Variants in CFH observed in about 807,000 individuals in gnomAD.
CFH encodes H factor 1 (complement).
A neutral mutation model predicts 147.3 loss-of-function variants in CFH; 53 were observed. The observed-to-expected ratio is 0.36, with a 90% CI of 0.29 to 0.45. The LOEUF (loss-of-function observed/expected upper bound fraction) is 0.45, where lower values mean the gene tolerates loss of function less well. Among genes scored for constraint, CFH ranks in the 20% least tolerant of loss-of-function variants. The pLI is 1.00. For synonymous variants in CFH, 536 were observed against 489.4 expected (o/e 1.10, Z -1.26); for missense variants, 1,380 against 1,498.0 (o/e 0.92, Z 1.30).
chr1:196,713,941 T>C, intron 10 of CFH, 24 bp downstream of exon 10: 3 of 1,600,228 alleles, frequency 1.9e-6, no homozygotes, highest in Non-Finnish European at 2.6e-6. Context: ...TATGTTTGTA[T>C]TGATTATCCA....
chr1:196,674,235 A>G (rs1448795995), intron 3 of CFH, among the ~76,000 whole-genome samples: 1 of 152,144 alleles, frequency 6.6e-6, no homozygotes, highest in Non-Finnish European at 1.5e-5. Context: ...TATTCACCCA[A>G]CAAGTCTTCA....
chr1:196,737,312 G>A (rs939799045), intron 16 of CFH, among the ~76,000 whole-genome samples, 163 bp from the exon 17 acceptor site: 5 of 152,124 alleles, frequency 3.3e-5, no homozygotes, highest in Non-Finnish European at 7.4e-5. Context: ...CATAGATATG[G>A]TGGAGGAATA....
chr1:196,663,789 G>A (rs866337136), intron 1 of CFH, among the ~76,000 whole-genome samples: 2 of 152,162 alleles, frequency 1.3e-5, no homozygotes, highest in Middle Eastern at 3.2e-3. Flanking sequence ...TAAGAAGAGT[G>A]TGGTTTACTT....
chr1:196,726,974 A>G, intron 14 of CFH, 34 bp downstream of exon 14: 2 of 1,579,140 alleles, frequency 1.3e-6, no homozygotes, highest in Non-Finnish European at 1.7e-6. Flanking sequence ...ACATTTAACA[A>G]AGTTTAATAT....
At chr1:196,685,002 T>C in intron 6 of CFH, 62 bp from the exon 7 acceptor site, 4 of 1,286,538 alleles carry the variant, frequency 3.1e-6, no homozygotes, top group Non-Finnish European at 4.5e-6. Context: ...AATGTTTATA[T>C]AAATGATTAA....
intron 16 of CFH, among the ~76,000 whole-genome samples, 194 bp downstream of exon 16, chr1:196,737,200 A>C (rs1175834279): frequency 6.6e-6 from 1 of 152,168 alleles, no homozygotes; most frequent in South Asian, 2.1e-4. Flanking sequence ...AAATCTTTGG[A>C]ATATTATGTA....
In CFH at chr1:196,740,961, T is replaced by C. The variant is rs887295322; in HGVS notation, c.2956+169T>C. 1.9e-5 allele frequency: 13 copies of C among 676,754 alleles called. No homozygotes were observed. In the East Asian group the frequency reaches 3.3e-4, roughly 17 times the overall value. The allele number at this position is 676,754 out of a possible 1,614,324, so 41.9% of individuals were successfully genotyped here. A position where few individuals can be genotyped will look rare whatever the true frequency, so the allele number is the denominator to read the frequency against. ...GTAGTAATTAAAACATTTGACATTA[T>C]AAGCCAAATTAGTTCATTTTCACAT... On this transcript the variant is annotated intron_variant, in intron 18 of 21. Transcript: ENST00000367429.
intron 15 of CFH, among the ~76,000 whole-genome samples, chr1:196,733,768 C>T (rs889852991): frequency 3.9e-5 from 6 of 152,020 alleles, no homozygotes; most frequent in African/African-American, 1.4e-4. Context: ...GATTAATGTA[C>T]CTGGATGTAT....
Position 196,736,750 on chromosome 1 carries a change from C to A in CFH, c.2414-74C>A, listed in dbSNP as rs1167687308. The A allele has an allele frequency of 8.3e-6, 6 of 726,774 alleles. No individual in the cohort carries two copies. The East Asian group carries it at 2.5e-4, about 30-fold the overall frequency. 45.0% of individuals were successfully genotyped at this position (726,774 alleles called of 1,614,324 possible). ...TTTAATCATATAAATTATTTTTCATCAAAAATTCTAATTTTAATATTTTTA... is the reference window on the plus strand; with the variant it reads ...TTTAATCATATAAATTATTTTTCATAAAAAATTCTAATTTTAATATTTTTA... On this transcript the variant is annotated intron_variant, in intron 15 of 21. Transcript: ENST00000367429.
chr1:196,712,209 G>T (rs1013823880), intron 9 of CFH, among the ~76,000 whole-genome samples: 12 of 151,788 alleles, frequency 7.9e-5, no homozygotes, highest in Non-Finnish European at 1.5e-5. Context: ...CTTATTTGTG[G>T]CAAGAACTCT....
chr1:196,738,246 A>G lies in CFH; in HGVS notation c.2782+586A>G, dbSNP rs150189973. ...TTCAAATTGTTATTTGGTTGGAGATACAGTCAAATCCTATCATTCCACCAT... is the reference window on the plus strand; with the variant it reads ...TTCAAATTGTTATTTGGTTGGAGATGCAGTCAAATCCTATCATTCCACCAT... On this transcript the variant is annotated intron_variant, in intron 17 of 21. Transcript: ENST00000367429. 5.1e-3 allele frequency among the ~76,000 whole-genome samples: 782 copies of G among 152,318 alleles called. 8 individuals are homozygous for G. Among genetic ancestry groups the G allele is most frequent in the African/African-American group, 0.018 (751 of 41,574 alleles).
At chr1:196,684,928 T>A in intron 6 of CFH, 136 bp from the exon 7 acceptor site, 2 of 692,296 alleles carry the variant, frequency 2.9e-6, no homozygotes, top group South Asian at 1.8e-5. Context: ...AAGGATACTA[T>A]GATATGTTCA....
At chr1:196,713,474 A>G (rs1668771993) in intron 9 of CFH, among the ~76,000 whole-genome samples, 1 of 152,196 alleles carries the variant, frequency 6.6e-6, no homozygotes, top group East Asian at 1.9e-4. Flanking sequence ...TCCATTAGAC[A>G]AACAGATTTC....
chr1:196,665,438 G>A (rs897231735), intron 1 of CFH, among the ~76,000 whole-genome samples: 1 of 151,064 alleles, frequency 6.6e-6, no homozygotes, highest in African/African-American at 2.4e-5. Context: ...ATCATATATA[G>A]CAGATAATTA....
intron 9 of CFH, among the ~76,000 whole-genome samples, chr1:196,702,872 T>C (rs1340578571): frequency 1.3e-5 from 2 of 152,052 alleles, no homozygotes; most frequent in African/African-American, 2.4e-5. Flanking sequence ...TCCAGGATGG[T>C]CAAGCAGAAG....
At chr1:196,694,602 C>T (rs1419792386) in intron 9 of CFH, among the ~76,000 whole-genome samples, 1 of 152,198 alleles carries the variant, frequency 6.6e-6, no homozygotes, top group Non-Finnish European at 1.5e-5. Context: ...TATGGTTGAA[C>T]TAATTTACAC....
In CFH at chr1:196,740,798, G is replaced by C; in HGVS notation, c.2956+6G>C. Reference sequence around the variant, plus strand: ...TCACCCTCCATCATGCATAAGTATGGTGCATTGAATTTTATTATATGTATG... The same window carrying C: ...TCACCCTCCATCATGCATAAGTATGCTGCATTGAATTTTATTATATGTATG... On this transcript the variant is annotated splice_donor_region_variant and intron_variant, in intron 18 of 21. Coordinates refer to ENST00000367429, the MANE Select transcript of CFH (RefSeq NM_000186.4). 1 of 1,613,340 alleles carries C rather than the reference G, an allele frequency of 6.2e-7. No homozygotes were observed. Among genetic ancestry groups the C allele is most frequent in the African/African-American group, 1.3e-5 (1 of 75,026 alleles).
At chr1:196,706,390 C>T (rs1668589330) in intron 9 of CFH, among the ~76,000 whole-genome samples, 1 of 151,480 alleles carries the variant, frequency 6.6e-6, no homozygotes, top group African/African-American at 2.4e-5. Context: ...AGTGGATGGA[C>T]AATTTGGTAG....
In CFH at chr1:196,725,969, T is replaced by C. The variant is rs569988864; in HGVS notation, c.1874-501T>C. ...GGCTGACAATGGAGGGATTTCTTTG[T>C]TAATTTTCATTTTGCTTGAAATGTC... On this transcript the variant is annotated intron_variant, in intron 12 of 21. Coordinates refer to ENST00000367429, the MANE Select transcript of CFH (RefSeq NM_000186.4). Among the ~76,000 whole-genome samples the C allele has an allele frequency of 3.9e-5, 6 of 152,340 alleles. No individual in the cohort carries two copies. In the Middle Eastern group the frequency reaches 0.017, roughly 432 times the overall value.
Sources: allele counts gnomAD v4.1 joint callset (sites outside exome capture counted in the v4.1 genomes callset), GRCh38; gene constraint gnomAD v4.1.1; transcripts MANE v1.5; gene names NCBI Gene and HGNC (gene_info 2026-07-23, HGNC 2026-07-21).